SHROOM4: variants seen among roughly 807,000 people sequenced by gnomAD.
The protein encoded by SHROOM4 is shroom family member 4, also known as protein Shroom4.
A neutral mutation model predicts 80.3 loss-of-function variants in SHROOM4; 17 were observed. The observed-to-expected ratio is 0.21, with a 90% CI of 0.14 to 0.32. The LOEUF (loss-of-function observed/expected upper bound fraction) is 0.32. Ranked by LOEUF, SHROOM4 falls within the 10% of genes least tolerant of loss-of-function variation. The pLI is 1.00. For missense variants in SHROOM4, 993 were observed against 1,140.3 expected (o/e 0.87, Z 1.86); for synonymous variants, 400 against 437.5 (o/e 0.91, Z 1.07).
intron 1 of SHROOM4, among the ~76,000 whole-genome samples, chrX:50,759,166 G>A (rs782471160): frequency 1.8e-5 from 2 of 111,979 alleles, no homozygotes; most frequent in Non-Finnish European, 3.8e-5. Context: ...ATCCTTTAAA[G>A]AGATAGTTAC....
intron 1 of SHROOM4, among the ~76,000 whole-genome samples, chrX:50,732,265 C>T (rs781793984): frequency 9.0e-6 from 1 of 111,262 alleles, no homozygotes; most frequent in East Asian, 2.8e-4. Context: ...TTTAAGACTG[C>T]GTGTGTGCTG....
At chrX:50,625,986 C>A (rs1051763281) in intron 5 of SHROOM4, among the ~76,000 whole-genome samples, 2 of 111,985 alleles carry the variant, frequency 1.8e-5, no homozygotes, top group African/African-American at 3.3e-5. Context: ...GCTCTAAATG[C>A]TTTACATATA....
chrX:50,782,775 A>G (rs1569548973), intron 1 of SHROOM4, among the ~76,000 whole-genome samples: 1 of 112,084 alleles, frequency 8.9e-6, no homozygotes. Flanking sequence ...CAAATACTAC[A>G]TGATTCTACT....
chrX:50,790,280 T>G (rs1935828987), intron 1 of SHROOM4, among the ~76,000 whole-genome samples: 1 of 111,402 alleles, frequency 9.0e-6, no homozygotes, highest in South Asian at 3.7e-4. Flanking sequence ...AACAGACCTG[T>G]AACTAGTAAG....
intron 2 of SHROOM4, among the ~76,000 whole-genome samples, chrX:50,646,937 T>C (rs1368939226): frequency 9.0e-6 from 1 of 111,570 alleles, no homozygotes; most frequent in African/African-American, 3.3e-5. Flanking sequence ...TAACTTCATC[T>C]GGCTAGGGCA....
In SHROOM4 at chrX:50,681,233, A is replaced by G. The variant is rs145801546; in HGVS notation, c.269+14553T>C. 7.0e-3 allele frequency among the ~76,000 whole-genome samples: 779 copies of G among 111,273 alleles called. 8 individuals carry two copies. Among genetic ancestry groups the G allele is most frequent in the African/African-American group, 0.024 (744 of 30,685 alleles). On this transcript the variant is annotated intron_variant, in intron 2 of 8. Transcript: ENST00000376020. The stretch of plus-strand genomic sequence containing the variant: ...CAGCAGCCACGGTGATCATCTATCA[A>G]TCCAAAACTAATCATACCACTGTTC...
At chrX:50,796,416 G>A (rs1190803146) in intron 1 of SHROOM4, among the ~76,000 whole-genome samples, 1 of 111,569 alleles carries the variant, frequency 9.0e-6, no homozygotes, top group African/African-American at 3.3e-5. Flanking sequence ...AAGTGAAAGA[G>A]AACAGTACAG....
intron 1 of SHROOM4, among the ~76,000 whole-genome samples, chrX:50,713,544 T>C (rs1221535597): frequency 9.0e-6 from 1 of 110,962 alleles, no homozygotes; most frequent in African/African-American, 3.3e-5. Flanking sequence ...GGTGGGAGGA[T>C]TGCTTGAACC....
chrX:50,687,283 T>TTTTTTTTTTTTTA (rs1491228888), intron 2 of SHROOM4: 1 of 106,509 alleles, frequency 9.4e-6, no homozygotes. Context: ...TTTTTTTTTT[T>TTTTTTTTTTTTTA]AAAAACAGCT....
intron 1 of SHROOM4, among the ~76,000 whole-genome samples, chrX:50,785,597 T>C (rs989513583): frequency 1.8e-5 from 2 of 111,826 alleles, no homozygotes; most frequent in African/African-American, 3.3e-5. Flanking sequence ...TATAATTCGA[T>C]TGGCATAAAA....
intron 5 of SHROOM4, among the ~76,000 whole-genome samples, chrX:50,611,315 A>AT (rs1271426311): frequency 9.2e-5 from 10 of 108,252 alleles, no homozygotes; most frequent in South Asian, 4.1e-4. Flanking sequence ...CGCCCGGCTA[A>AT]TTTTTTTTGT....
At chrX:50,701,341 G>A (rs782441884) in intron 1 of SHROOM4, among the ~76,000 whole-genome samples, 3 of 111,785 alleles carry the variant, frequency 2.7e-5, no homozygotes, top group African/African-American at 9.8e-5. Flanking sequence ...AAGTCAGATC[G>A]TCCTGCTGTC....
downstream of SHROOM4, among the ~76,000 whole-genome samples, chrX:50,584,274 T>A (rs1209619470): frequency 8.9e-6 from 1 of 112,490 alleles, no homozygotes; most frequent in Non-Finnish European, 1.9e-5. Flanking sequence ...AGCTAAGTAA[T>A]TCAATGCTGA....
chrX:50,813,136 T>TGGCGGCGGCGGC (rs782457315), intron 1 of SHROOM4, among the ~76,000 whole-genome samples: 5 of 97,689 alleles, frequency 5.1e-5, no homozygotes, highest in Non-Finnish European at 8.3e-5. Context: ...AAACAAACCC[T>TGGCGGCGGCGGC]GGCGGCGGCG....
At chrX:50,789,058 T>C (rs1935805922) in intron 1 of SHROOM4, among the ~76,000 whole-genome samples, 1 of 111,821 alleles carries the variant, frequency 8.9e-6, no homozygotes, top group African/African-American at 3.2e-5. Flanking sequence ...AGCAATACTA[T>C]AATAGTAGGA....
chrX:50,778,110 C>A (rs986224570), intron 1 of SHROOM4, among the ~76,000 whole-genome samples: 7 of 111,761 alleles, frequency 6.3e-5, no homozygotes, highest in Non-Finnish European at 1.1e-4. Context: ...GTCTTCTGGT[C>A]TCCTCTATCC....
Position 50,635,463 on chromosome X carries a change from G to T in SHROOM4, c.610C>A (p.Leu204Ile), listed in dbSNP as rs1321252205. The T allele has an allele frequency of 8.3e-7, 1 of 1,208,094 alleles. No individual in the cohort carries two copies. Among genetic ancestry groups the T allele is most frequent in the Admixed American group, 2.2e-5 (1 of 45,662 alleles). ...GCTGGCTCCTCTGGCCTGAGGGAAA[G>T]GGCACAGTCAGAAGCATTTGAGCTG... ...SASSNASDCALSLRPEEPAST... is the reference protein window; with the variant it reads ...SASSNASDCAISLRPEEPAST... The change falls in exon 4 of 9, where the codon CTT (leucine) becomes ATT (isoleucine). Residue 204 changes from leucine to isoleucine, a missense_variant. By Grantham distance (5) the Leu-to-Ile change is conservative. Transcript: ENST00000376020.
At chrX:50,646,016 C>T (rs1557257866) in intron 2 of SHROOM4, among the ~76,000 whole-genome samples, 2 of 111,422 alleles carry the variant, frequency 1.8e-5, no homozygotes, top group African/African-American at 6.5e-5. Flanking sequence ...TGTCTTTGAG[C>T]CTGGCTCCCA....
chrX:50,652,199 A>G (rs1932116193), intron 2 of SHROOM4, among the ~76,000 whole-genome samples: 1 of 111,912 alleles, frequency 8.9e-6, no homozygotes, highest in Non-Finnish European at 1.9e-5. Flanking sequence ...ATTCCCACCA[A>G]CAGCGTAAAA....
Sources: gnomAD v4.1 joint callset for allele counts (sites outside exome capture counted in the v4.1 genomes callset) on GRCh38, gnomAD v4.1.1 for gene constraint, MANE v1.5 for transcripts, NCBI Gene and HGNC (gene_info 2026-07-23, HGNC 2026-07-21) for gene names.